SCNN1B: variants seen among roughly 807,000 people sequenced by gnomAD.
SCNN1B encodes the protein epithelial sodium channel subunit beta.
Under a neutral mutation model 65.3 loss-of-function variants are expected in SCNN1B, and 46 were observed. The ratio of observed to expected loss-of-function variants is 0.70; its 90% confidence interval spans 0.56 to 0.90. The LOEUF is 0.90. Among genes scored for constraint, SCNN1B ranks in the 40% least tolerant of loss-of-function variants. The probability of loss-of-function intolerance (pLI) is 0.00; values close to 1 mark genes in which losing one functional copy is unlikely to be tolerated. For missense variants in SCNN1B, 751 were observed against 830.5 expected (o/e 0.90, Z 1.18); for synonymous variants, 349 against 330.6 (o/e 1.06, Z -0.60).
At chr16:23,314,372 C>G (rs1005121514) in intron 1 of SCNN1B, among the ~76,000 whole-genome samples, 4 of 152,140 alleles carry the variant, frequency 2.6e-5, no homozygotes, top group African/African-American at 7.2e-5. Context: ...AAACTGAGCT[C>G]TCTCACTGCA....
At chr16:23,311,343 A>G (rs776591624) in intron 1 of SCNN1B, among the ~76,000 whole-genome samples, 1 of 152,140 alleles carries the variant, frequency 6.6e-6, no homozygotes, top group Non-Finnish European at 1.5e-5. Flanking sequence ...AGGAGGACTA[A>G]GATCTGGAAA....
At chr16:23,376,234 C>G (rs577642089) in intron 8 of SCNN1B, among the ~76,000 whole-genome samples, 1 of 152,206 alleles carries the variant, frequency 6.6e-6, no homozygotes, top group African/African-American at 2.4e-5. Flanking sequence ...TCCATGCTTG[C>G]GTCCAAATGC....
At position 23,380,327 on chromosome 16, in the gene SCNN1B, T is replaced by C; in HGVS notation, c.1543-94T>C. ...GGCCAAGATGGTCACCCCCTCCCGTTCCCACCCAAGAATCACCTCCCAGGA... is the reference window on the plus strand; with the variant it reads ...GGCCAAGATGGTCACCCCCTCCCGTCCCCACCCAAGAATCACCTCCCAGGA... On this transcript the variant is annotated intron_variant, in intron 12 of 12. Coordinates refer to ENST00000343070, the MANE Select transcript of SCNN1B (RefSeq NM_000336.3). The surrounding 1 kb of genome is among the most constrained non-coding windows in gnomAD (Gnocchi z 5.4). 6.3e-7 allele frequency: 1 copy of C among 1,599,048 alleles called. No homozygotes were observed. Among genetic ancestry groups the C allele is most frequent in the Non-Finnish European group, 8.6e-7 (1 of 1,168,598 alleles).
chr16:23,380,541 C>T lies in SCNN1B; in HGVS notation c.1663C>T (p.Leu555=), dbSNP rs779990343. The T allele has an allele frequency of 5.0e-6, 8 of 1,614,216 alleles. No individual in the cohort carries two copies. The Admixed American group carries it at 1.2e-4, about 24-fold the overall frequency. ...IDFVWITIIK[L]VALAKSLRQR... is the part of the protein sequence containing the mutation. ...CTTTGTGTGGATCACCATCATCAAG[C>T]TGGTGGCCTTGGCCAAGAGCCTACG... Residue 555 remains leucine (L), a synonymous_variant, in exon 13 of 13, where the codon CTG becomes TTG. Coordinates refer to ENST00000343070, the MANE Select transcript of SCNN1B (RefSeq NM_000336.3). This position sits in a 1 kb window ranked among gnomAD's most constrained non-coding sequence, Gnocchi z 5.4.
At chr16:23,337,943 G>A (rs896648492) in intron 1 of SCNN1B, among the ~76,000 whole-genome samples, 8 of 152,000 alleles carry the variant, frequency 5.3e-5, no homozygotes, top group South Asian at 2.1e-4. Flanking sequence ...CGGGTGGCAC[G>A]CACCTGTAGT....
intron 4 of SCNN1B, among the ~76,000 whole-genome samples, chr16:23,357,733 T>C (rs1308490509): frequency 6.6e-6 from 1 of 152,218 alleles, no homozygotes; most frequent in African/African-American, 2.4e-5. Flanking sequence ...AAGATTTGAC[T>C]GATGGCGCCC....
chr16:23,371,659 C>A, intron 6 of SCNN1B, 117 bp from the exon 7 acceptor site: 1 of 1,041,654 alleles, frequency 9.6e-7, no homozygotes, highest in Non-Finnish European at 1.5e-6. Context: ...CTGGCGCCCC[C>A]CCTGGCACCT....
upstream of SCNN1B, among the ~76,000 whole-genome samples, chr16:23,301,188 A>C (rs1219644782): frequency 6.6e-6 from 1 of 151,912 alleles, no homozygotes; most frequent in Non-Finnish European, 1.5e-5. Context: ...ATATGAAGAA[A>C]ACCCATCTCT....
At chr16:23,344,938 G>A (rs1288407957) in intron 1 of SCNN1B, among the ~76,000 whole-genome samples, 1 of 152,164 alleles carries the variant, frequency 6.6e-6, no homozygotes, top group Non-Finnish European at 1.5e-5. Flanking sequence ...AGGTTGCAGT[G>A]AGTCAAGATC....
intron 1 of SCNN1B, among the ~76,000 whole-genome samples, chr16:23,347,544 A>G (rs1290631496): frequency 2.0e-5 from 3 of 152,216 alleles, no homozygotes; most frequent in Non-Finnish European, 4.4e-5. Flanking sequence ...AAAGTCACCA[A>G]ATTTCTAAGT....
chr16:23,306,263 T>C (rs1229342727), intron 1 of SCNN1B, among the ~76,000 whole-genome samples: 1 of 151,724 alleles, frequency 6.6e-6, no homozygotes, highest in Non-Finnish European at 1.5e-5. Flanking sequence ...AAAACCTATG[T>C]TTCAAGCAAA....
chr16:23,278,526 C>A (rs984444904), intron 1 of SCNN1B, among the ~76,000 whole-genome samples: 5 of 151,712 alleles, frequency 3.3e-5, no homozygotes, highest in African/African-American at 7.3e-5. Context: ...TAAATCCATG[C>A]AGATGGAAGG....
intron 4 of SCNN1B, chr16:23,358,126 T>G (rs1043795344): frequency 1.3e-5 from 2 of 152,278 alleles, no homozygotes; most frequent in Non-Finnish European, 2.9e-5. Flanking sequence ...ACCTCATGGG[T>G]AGCTGGGCTG....
At chr16:23,325,301 T>A (rs1388803741) in intron 1 of SCNN1B, among the ~76,000 whole-genome samples, 1 of 152,130 alleles carries the variant, frequency 6.6e-6, no homozygotes, top group Non-Finnish European at 1.5e-5. Context: ...GAGTCTCACT[T>A]TGTCGCCCTG....
At chr16:23,338,171 CA>C (rs1444252887) in intron 1 of SCNN1B, among the ~76,000 whole-genome samples, 7 of 152,162 alleles carry the variant, frequency 4.6e-5, no homozygotes, top group African/African-American at 1.7e-4. Context: ...TTCTTTTAGT[CA>C]AAAATGGTAT....
intron 2 of SCNN1B, among the ~76,000 whole-genome samples, chr16:23,284,244 A>G (rs1960821352): frequency 6.6e-6 from 1 of 151,992 alleles, no homozygotes; most frequent in African/African-American, 2.4e-5. Context: ...GTGCCTACTA[A>G]AAGTACAAAA....
intron 1 of SCNN1B, among the ~76,000 whole-genome samples, chr16:23,279,867 G>T (rs1402663053): frequency 6.6e-6 from 1 of 152,256 alleles, no homozygotes; most frequent in East Asian, 1.9e-4. Flanking sequence ...CAGTGTTTCT[G>T]CAGAGCCCCT....
At chr16:23,310,329 G>A (rs191563060) in intron 1 of SCNN1B, among the ~76,000 whole-genome samples, 17 of 149,460 alleles carry the variant, frequency 1.1e-4, no homozygotes, top group African/African-American at 3.9e-4. Context: ...ATAAACTCAG[G>A]CATTCCAAGC....
chr16:23,281,623 C>T (rs1033293842), intron 1 of SCNN1B, among the ~76,000 whole-genome samples: 1 of 152,150 alleles, frequency 6.6e-6, no homozygotes, highest in African/African-American at 2.4e-5. Flanking sequence ...CATATTCTCA[C>T]TTATAAGTGG....
Sources: gnomAD v4.1 joint callset for allele counts (sites outside exome capture counted in the v4.1 genomes callset) on GRCh38, gnomAD v4.1.1 for gene constraint, Gnocchi (gnomAD v3.1) non-coding constraint, MANE v1.5 for transcripts, NCBI Gene and HGNC (gene_info 2026-07-23, HGNC 2026-07-21) for gene names.